The following CSMD3 variants were observed in gnomAD, a reference collection of about 807,000 sequenced individuals.
CSMD3 encodes the protein CUB and sushi domain-containing protein 3.
In CSMD3, 177 loss-of-function variants were observed where a neutral mutation model predicts 435.2. The observed-to-expected ratio is 0.41, with a 90% CI of 0.36 to 0.46. CSMD3 has a LOEUF of 0.46. CSMD3 is among the 20% of genes least tolerant of loss of function. The pLI, the probability that CSMD3 is intolerant of heterozygous loss-of-function variation, is 0.34. For missense variants in CSMD3, 4,265 were observed against 4,504.6 expected (o/e 0.95, Z 1.52); for synonymous variants, 1,656 against 1,520.5 (o/e 1.09, Z -2.07).
In CSMD3 at chr8:112,542,218, A is replaced by C. The variant is rs141870517; in HGVS notation, c.4564+8453T>G. ...CATCATACTGTCTGGAAAAAAAAAA[A>C]AACTGAGAACTTTTCCTCCAAGATC... On this transcript the variant is annotated intron_variant, in intron 27 of 70. Coordinates refer to ENST00000297405, the MANE Select transcript of CSMD3 (RefSeq NM_198123.2). Among the ~76,000 whole-genome samples, 541 of 151,700 alleles carry C rather than the reference A, an allele frequency of 3.6e-3. 1 individual carries two copies. The highest frequency in any genetic ancestry group is 0.013 in the African/African-American group (518 of 41,426).
chr8:113,238,289 T>A (rs143456661), intron 3 of CSMD3, among the ~76,000 whole-genome samples: 71 of 152,248 alleles, frequency 4.7e-4, no homozygotes, highest in Non-Finnish European at 7.5e-4. Context: ...ACCTTATGAA[T>A]GAAAGGTGCA....
chr8:112,595,063 C>A (rs1455009956), intron 22 of CSMD3, among the ~76,000 whole-genome samples: 1 of 151,780 alleles, frequency 6.6e-6, no homozygotes, highest in Non-Finnish European at 1.5e-5. Context: ...GATCAAATTA[C>A]TCTGAGCTAC....
chr8:113,302,439 G>C (rs1353285172), intron 2 of CSMD3, among the ~76,000 whole-genome samples: 4 of 150,230 alleles, frequency 2.7e-5, no homozygotes, highest in African/African-American at 9.8e-5. Context: ...AACAGATACA[G>C]AGTATATGTA....
intron 5 of CSMD3, among the ~76,000 whole-genome samples, chr8:113,038,816 T>C (rs1180546436): frequency 6.6e-6 from 1 of 152,122 alleles, no homozygotes; most frequent in African/African-American, 2.4e-5. Context: ...TACAAACAGG[T>C]CTCCAAACTT....
intron 3 of CSMD3, among the ~76,000 whole-genome samples, chr8:113,241,745 A>G (rs2093220288): frequency 1.3e-5 from 2 of 151,988 alleles, no homozygotes; most frequent in African/African-American, 4.8e-5. Context: ...TAGAAATTCC[A>G]AGGAATGAAA....
At chr8:112,685,759 AC>A in intron 14 of CSMD3, 27 bp from the exon 15 acceptor site, 1 of 1,345,570 alleles carries the variant, frequency 7.4e-7, no homozygotes, top group Non-Finnish European at 1.1e-6. Context: ...ATTATGAAAT[AC>A]AATAAATATT....
chr8:112,380,276 C>T (rs1829347574), intron 38 of CSMD3, 76 bp downstream of exon 38: 2 of 804,090 alleles, frequency 2.5e-6, no homozygotes, highest in African/African-American at 1.7e-5. Context: ...ATAATATGTA[C>T]ATATCAACAA....
At chr8:112,641,863 C>T (rs2074838683) in intron 20 of CSMD3, among the ~76,000 whole-genome samples, 1 of 151,650 alleles carries the variant, frequency 6.6e-6, no homozygotes, top group African/African-American at 2.4e-5. Context: ...CAAAAAACCC[C>T]AAAGCAATGA....
chr8:112,533,844 T>C (rs1563669757), intron 27 of CSMD3, among the ~76,000 whole-genome samples: 2 of 152,082 alleles, frequency 1.3e-5, no homozygotes, highest in African/African-American at 2.4e-5. Flanking sequence ...ACCAGGAACA[T>C]TCTCTGAGAT....
chr8:112,849,162 C>T (rs949521606), intron 11 of CSMD3, among the ~76,000 whole-genome samples: 1 of 151,988 alleles, frequency 6.6e-6, no homozygotes, highest in Non-Finnish European at 1.5e-5. Context: ...CCTCATATGC[C>T]TGTCTTTATT....
intron 13 of CSMD3, among the ~76,000 whole-genome samples, chr8:112,736,320 G>T (rs557575173): frequency 6.6e-6 from 1 of 152,034 alleles, no homozygotes; most frequent in East Asian, 1.9e-4. Context: ...GTTGGTTCCT[G>T]GTAACTCAGC....
chr8:113,239,619 T>C (rs2093190628), intron 3 of CSMD3, among the ~76,000 whole-genome samples: 2 of 152,046 alleles, frequency 1.3e-5, no homozygotes, highest in South Asian at 4.1e-4. Context: ...CTGTAACAAG[T>C]ATCTAAATAT....
intron 3 of CSMD3, among the ~76,000 whole-genome samples, chr8:113,235,365 T>A (rs1200591549): frequency 6.6e-6 from 1 of 152,058 alleles, no homozygotes; most frequent in African/African-American, 2.4e-5. Flanking sequence ...GTGCACCCCA[T>A]TCCAATAGCC....
chr8:113,050,944 A>G (rs749525084), intron 5 of CSMD3, among the ~76,000 whole-genome samples: 26 of 152,124 alleles, frequency 1.7e-4, no homozygotes, highest in Middle Eastern at 3.2e-3. Context: ...GCAAGGATGA[A>G]GTTTCCAGAT....
chr8:112,691,176 G>A (rs751539864), intron 13 of CSMD3, among the ~76,000 whole-genome samples: 3 of 152,026 alleles, frequency 2.0e-5, no homozygotes, highest in Non-Finnish European at 4.4e-5. Flanking sequence ...CAAACACTAT[G>A]TTTTAGAGAT....
At chr8:113,157,240 C>T (rs1463308703) in intron 4 of CSMD3, among the ~76,000 whole-genome samples, 7 of 152,068 alleles carry the variant, frequency 4.6e-5, no homozygotes, top group East Asian at 1.9e-4. Flanking sequence ...TGGTACTTTA[C>T]GTTGCCTTCT....
chr8:112,401,889 C>T (rs1831375311), intron 35 of CSMD3, among the ~76,000 whole-genome samples: 1 of 152,062 alleles, frequency 6.6e-6, no homozygotes, highest in Non-Finnish European at 1.5e-5. Flanking sequence ...GGCACATTTT[C>T]CATATAATAA....
chr8:112,708,722 CA>C (rs67604036), intron 13 of CSMD3, among the ~76,000 whole-genome samples: 8 of 100,816 alleles, frequency 7.9e-5, no homozygotes, highest in African/African-American at 3.5e-4. Context: ...GACGATAGAG[CA>C]AAAAAAACCT....
chr8:113,051,343 C>G (rs927109945), intron 5 of CSMD3, among the ~76,000 whole-genome samples: 1 of 151,944 alleles, frequency 6.6e-6, no homozygotes, highest in Admixed American at 6.6e-5. Flanking sequence ...ACTAAACTTG[C>G]TGATATCTCC....
Sources: gnomAD v4.1 joint callset for allele counts (sites outside exome capture counted in the v4.1 genomes callset) on GRCh38, gnomAD v4.1.1 for gene constraint, MANE v1.5 for transcripts, NCBI Gene and HGNC (gene_info 2026-07-23, HGNC 2026-07-21) for gene names.